The following GALNTL6 variants were observed in gnomAD, a reference collection of about 807,000 sequenced individuals.
GALNTL6 encodes the protein polypeptide N-acetylgalactosaminyltransferase-like 6.
GALNTL6 carries 46 observed loss-of-function variants against 73.7 expected under a neutral mutation model. The observed-to-expected ratio is 0.62, with a 90% CI of 0.49 to 0.80. The LOEUF (loss-of-function observed/expected upper bound fraction) is 0.80. GALNTL6 is among the 30% of genes least tolerant of loss of function. The pLI, the probability that GALNTL6 is intolerant of heterozygous loss-of-function variation, is 0.00. For synonymous variants in GALNTL6, 259 were observed against 263.7 expected, an observed-to-expected ratio of 0.98 and a Z score of 0.17; for missense variants, 604 against 755.0, an observed-to-expected ratio of 0.80 and a Z score of 2.34.
intron 5 of GALNTL6, among the ~76,000 whole-genome samples, chr4:172,613,767 A>C (rs941717953): frequency 6.6e-6 from 1 of 152,112 alleles, no homozygotes; most frequent in African/African-American, 2.4e-5. Flanking sequence ...TATAAACTTC[A>C]TCTTGGCTCT....
chr4:172,370,651 A>G (rs1227840573), intron 5 of GALNTL6, among the ~76,000 whole-genome samples: 2 of 150,572 alleles, frequency 1.3e-5, no homozygotes, highest in Non-Finnish European at 3.0e-5. Context: ...AAAAAAAAAA[A>G]GAGTTTGAAA....
At chr4:172,339,257 C>CACCACACACACA (rs1183829946) in intron 4 of GALNTL6, among the ~76,000 whole-genome samples, 1 of 120,952 alleles carries the variant, frequency 8.3e-6, no homozygotes, top group African/African-American at 3.3e-5. Flanking sequence ...CACACACACA[C>CACCACACACACA]CACACACACA....
intron 7 of GALNTL6, among the ~76,000 whole-genome samples, chr4:172,838,806 T>C (rs1743050331): frequency 6.6e-6 from 1 of 152,192 alleles, no homozygotes; most frequent in Non-Finnish European, 1.5e-5. Flanking sequence ...AAAATACTTT[T>C]TGCCTAATTA....
intron 3 of GALNTL6, among the ~76,000 whole-genome samples, chr4:172,286,392 G>T (rs957902403): frequency 2.0e-5 from 3 of 152,166 alleles, no homozygotes; most frequent in Non-Finnish European, 2.9e-5. Flanking sequence ...GAGAACTGAA[G>T]AAATTTTAGG....
chr4:172,685,502 C>G (rs1467718247), intron 5 of GALNTL6, among the ~76,000 whole-genome samples: 1 of 152,186 alleles, frequency 6.6e-6, no homozygotes, highest in Non-Finnish European at 1.5e-5. Flanking sequence ...AAGAACCGAG[C>G]AAGAATTGAT....
chr4:172,107,018 C>T (rs1012619062), intron 2 of GALNTL6, among the ~76,000 whole-genome samples: 6 of 152,182 alleles, frequency 3.9e-5, no homozygotes, highest in African/African-American at 1.4e-4. Context: ...GGATTACAGG[C>T]ATGTGCCACC....
At chr4:172,562,546 C>CA (rs1370573282) in intron 5 of GALNTL6, among the ~76,000 whole-genome samples, 6 of 152,122 alleles carry the variant, frequency 3.9e-5, no homozygotes, top group Non-Finnish European at 5.9e-5. Flanking sequence ...TGTTGTCCCT[C>CA]AAAAAATCAG....
At chr4:172,349,972 A>G (rs931812236) in intron 5 of GALNTL6, among the ~76,000 whole-genome samples, 3 of 152,086 alleles carry the variant, frequency 2.0e-5, no homozygotes, top group African/African-American at 7.2e-5. Context: ...TGAAATTTGC[A>G]GATTTTTGAA....
chr4:172,280,215 T>C (rs1205632598), intron 3 of GALNTL6, among the ~76,000 whole-genome samples: 1 of 152,224 alleles, frequency 6.6e-6, no homozygotes, highest in Non-Finnish European at 1.5e-5. Flanking sequence ...ATGCTTAAGA[T>C]GGTAAATTTT....
At chr4:172,211,264 T>A (rs760999871) in intron 2 of GALNTL6, among the ~76,000 whole-genome samples, 7 of 152,212 alleles carry the variant, frequency 4.6e-5, no homozygotes, top group Non-Finnish European at 1.0e-4. Context: ...TGATGTGAGA[T>A]CTAGATGTGT....
At chr4:172,540,055 T>C (rs551077616) in intron 5 of GALNTL6, among the ~76,000 whole-genome samples, 98 of 145,670 alleles carry the variant, frequency 6.7e-4, no homozygotes, top group Middle Eastern at 3.6e-3. Flanking sequence ...TTCTTTCTTT[T>C]TTTTTTTTTT....
chr4:171,938,560 T>G (rs1391282860), intron 2 of GALNTL6, among the ~76,000 whole-genome samples: 1 of 152,160 alleles, frequency 6.6e-6, no homozygotes, highest in Non-Finnish European at 1.5e-5. Flanking sequence ...AAGTGTGAAT[T>G]AAAAGCAATG....
intron 2 of GALNTL6, among the ~76,000 whole-genome samples, chr4:172,106,370 A>C (rs1732675371): frequency 6.6e-6 from 1 of 152,194 alleles, no homozygotes; most frequent in Non-Finnish European, 1.5e-5. Context: ...TGTTAAGTAG[A>C]GAATCAACTA....
chr4:172,886,631 C>T (rs904982600), intron 8 of GALNTL6, among the ~76,000 whole-genome samples: 6 of 152,034 alleles, frequency 3.9e-5, no homozygotes, highest in South Asian at 2.1e-4. Flanking sequence ...GGCGTGGTGG[C>T]GCATGCCTGT....
intron 2 of GALNTL6, among the ~76,000 whole-genome samples, chr4:172,066,672 T>A (rs796985462): frequency 5.9e-5 from 9 of 152,072 alleles, no homozygotes; most frequent in African/African-American, 1.9e-4. Context: ...AGAGCCTGAG[T>A]CCTCTGGAAT....
chr4:172,173,128 T>C (rs1013706002), intron 2 of GALNTL6, among the ~76,000 whole-genome samples: 13 of 152,214 alleles, frequency 8.5e-5, no homozygotes, highest in Admixed American at 5.9e-4. Flanking sequence ...GTAGAAGATA[T>C]TACAATTTTA....
In GALNTL6 at chr4:172,375,729, G is replaced by A. The variant is rs558172434; in HGVS notation, c.553+27040G>A. On this transcript the variant is annotated intron_variant, in intron 5 of 12. Transcript: ENST00000506823. ...GTCAGATTTAGTGGCCCTTACTGAT[G>A]CATTCTTGAAAACCTGCACTCTTGC... 3.9e-5 allele frequency among the ~76,000 whole-genome samples: 6 copies of A among 152,272 alleles called. No homozygotes were observed. The East Asian group carries it at 9.7e-4, about 25-fold the overall frequency.
intron 2 of GALNTL6, among the ~76,000 whole-genome samples, chr4:171,847,315 A>G (rs956897929): frequency 6.6e-6 from 1 of 152,194 alleles, no homozygotes; most frequent in African/African-American, 2.4e-5. Context: ...TGAAAACACA[A>G]TATACACACC....
rs186737134 is a variant in GALNTL6 at position 172,673,902 on chromosome 4, A to G, written c.554-135459A>G. ...TGGGTCTCTTGAAGACAGCATACCA[A>G]TGGGTCTTGGTTCTTTAGCTTGCCA... On this transcript the variant is annotated intron_variant, in intron 5 of 12. Coordinates refer to ENST00000506823, the MANE Select transcript of GALNTL6 (RefSeq NM_001034845.3). Among the ~76,000 whole-genome samples the G allele has an allele frequency of 9.9e-5, 15 of 152,216 alleles. No homozygotes were observed. The East Asian group carries it at 2.9e-3, about 29-fold the overall frequency.
Sources: allele counts gnomAD v4.1 joint callset (sites outside exome capture counted in the v4.1 genomes callset), GRCh38; gene constraint gnomAD v4.1.1; transcripts MANE v1.5; gene names NCBI Gene and HGNC (gene_info 2026-07-23, HGNC 2026-07-21).